The following CUBN variants were observed in gnomAD, a reference collection of about 807,000 sequenced individuals.
CUBN encodes the protein cubilin.
Under a neutral mutation model 405.3 loss-of-function variants are expected in CUBN, and 282 were observed. The observed-to-expected ratio is 0.70, with a 90% confidence interval of 0.63 to 0.77. The LOEUF is 0.77. Ranked by LOEUF, CUBN falls within the 30% of genes least tolerant of loss-of-function variation. The pLI, the probability that CUBN is intolerant of heterozygous loss-of-function variation, is 0.00. For synonymous variants in CUBN, 1,684 were observed against 1,617.0 expected (o/e 1.04, Z -0.99); for missense variants, 4,514 against 4,475.2 (o/e 1.01, Z -0.25).
At chr10:16,930,018 C>T (rs1235319422) in intron 40 of CUBN, among the ~76,000 whole-genome samples, 1 of 152,116 alleles carries the variant, frequency 6.6e-6, no homozygotes, top group Non-Finnish European at 1.5e-5. Flanking sequence ...GCCCATCCAC[C>T]CCTTCAGTCT....
intron 56 of CUBN, among the ~76,000 whole-genome samples, chr10:16,883,412 C>T (rs570563272): frequency 6.6e-6 from 1 of 152,258 alleles, no homozygotes; most frequent in South Asian, 2.1e-4. Context: ...TCAAAAGGAC[C>T]ACTGCCCACT....
At chr10:17,087,439 C>G (rs1045222754) in intron 15 of CUBN, among the ~76,000 whole-genome samples, 1 of 147,184 alleles carries the variant, frequency 6.8e-6, no homozygotes, top group South Asian at 2.2e-4. Flanking sequence ...GAACCTAACC[C>G]AGTTCAACAC....
chr10:17,041,611 G>A (rs1283254695), intron 26 of CUBN, among the ~76,000 whole-genome samples: 2 of 152,054 alleles, frequency 1.3e-5, no homozygotes, highest in Non-Finnish European at 2.9e-5. Flanking sequence ...GTTCTGTGCT[G>A]CTGTTTTTTT....
chr10:16,880,316 G>A (rs1050981016), intron 56 of CUBN, among the ~76,000 whole-genome samples: 13 of 152,288 alleles, frequency 8.5e-5, no homozygotes, highest in Admixed American at 4.6e-4. Context: ...TCAATGGCAA[G>A]GCATGGCATC....
At position 16,982,376 on chromosome 10, in the gene CUBN, A is replaced by T. The variant is rs2932895; in HGVS notation, c.4695+108T>A. 827,680 of 1,012,158 alleles carry T rather than the reference A, an allele frequency of 0.82. 348,567 individuals carry two copies. The highest frequency in any genetic ancestry group is 0.89 in the Non-Finnish European group (585,037 of 657,690). 62.7% of individuals were successfully genotyped at this position (1,012,158 alleles called of 1,614,324 possible). A position where few individuals can be genotyped will look rare whatever the true frequency, so the allele number is the denominator to read the frequency against. On this transcript the variant is annotated intron_variant, in intron 31 of 66. Coordinates refer to ENST00000377833, the MANE Select transcript of CUBN (RefSeq NM_001081.4). ...TTGCCAATAGTTTGGTTTCCTATGA[A>T]TCGACATTAAAAACACCCATAAGTA...
chr10:17,065,746 C>A (rs867401039), intron 21 of CUBN, 108 bp from the exon 22 acceptor site: 2 of 1,307,396 alleles, frequency 1.5e-6, no homozygotes, highest in Middle Eastern at 3.7e-4. Context: ...TTGTTCTCTA[C>A]CTCTCATCAA....
intron 12 of CUBN, 128 bp from the exon 13 acceptor site, chr10:17,103,365 C>G: frequency 1.4e-6 from 1 of 694,156 alleles, no homozygotes; most frequent in African/African-American, 1.8e-5. Flanking sequence ...AAAGCCCTGC[C>G]ATTCCCTCTC....
At chr10:17,029,963 G>T (rs1372394722) in intron 27 of CUBN, among the ~76,000 whole-genome samples, 2 of 152,208 alleles carry the variant, frequency 1.3e-5, no homozygotes, top group African/African-American at 4.8e-5. Flanking sequence ...ACCACAAAAT[G>T]CTATAGAGCA....
chr10:17,124,524 G>A (rs559940957), intron 4 of CUBN, among the ~76,000 whole-genome samples: 1 of 151,584 alleles, frequency 6.6e-6, no homozygotes, highest in Non-Finnish European at 1.5e-5. Context: ...TGCCTCCTGG[G>A]TCCATGCCAT....
rs1841990211 is a variant in CUBN, at chr10:16,920,060, G to A, written c.6724C>T (p.Pro2242Ser). The A allele has an allele frequency of 1.2e-6, 2 of 1,614,046 alleles. 1 individual carries two copies. Among genetic ancestry groups the A allele is most frequent in the Non-Finnish European group, 1.7e-6 (2 of 1,179,978 alleles). ...ATCCAAATGCAATCAGCGTGCGGGG[G>A]ATAATTATGAGGGTGGTTGGGGGAG... ...VTSPNHPHNY[P>S]PHADCIWILA... The change falls in exon 44 of 67, where the codon CCC (proline) becomes TCC (serine). Residue 2242 changes from proline to serine, a missense_variant. Coordinates refer to ENST00000377833, the MANE Select transcript of CUBN (RefSeq NM_001081.4).
At chr10:17,034,104 A>G (rs900136696) in intron 27 of CUBN, among the ~76,000 whole-genome samples, 1 of 152,224 alleles carries the variant, frequency 6.6e-6, no homozygotes, top group South Asian at 2.1e-4. Flanking sequence ...AATGCATGTT[A>G]TAAAGACTGG....
At chr10:16,857,938 G>A (rs1839907662) in intron 59 of CUBN, among the ~76,000 whole-genome samples, 1 of 151,992 alleles carries the variant, frequency 6.6e-6, no homozygotes, top group South Asian at 2.1e-4. Context: ...AACATTCTTA[G>A]AACTAACATA....
chr10:17,026,984 C>A (rs76464408), intron 27 of CUBN, among the ~76,000 whole-genome samples: 1 of 152,172 alleles, frequency 6.6e-6, no homozygotes, highest in Non-Finnish European at 1.5e-5. Context: ...GAGCAAAAAA[C>A]CCATCGAAAT....
intron 8 of CUBN, 115 bp from the exon 9 acceptor site, chr10:17,111,165 TGA>T (rs1836763973): frequency 5.0e-6 from 6 of 1,204,406 alleles, no homozygotes; most frequent in Non-Finnish European, 7.2e-6. Context: ...AAAATAAAAA[TGA>T]GATATGCTTA....
intron 31 of CUBN, among the ~76,000 whole-genome samples, chr10:16,973,521 A>G (rs1028875798): frequency 9.2e-5 from 14 of 152,206 alleles, no homozygotes; most frequent in African/African-American, 3.4e-4. Flanking sequence ...TCAAGGGTCC[A>G]TGTGCAGGTT....
intron 59 of CUBN, among the ~76,000 whole-genome samples, chr10:16,864,366 C>T (rs1316037926): frequency 6.6e-6 from 1 of 152,120 alleles, no homozygotes; most frequent in Non-Finnish European, 1.5e-5. Context: ...CCCTCAGCCA[C>T]CCTCCAACCT....
rs142041107 is a variant in CUBN, at chr10:17,030,673, C to T, written c.4017+10360G>A. Among the ~76,000 whole-genome samples the T allele has an allele frequency of 5.6e-3, 850 of 152,234 alleles. 11 individuals carry two copies. The highest frequency in any genetic ancestry group is 0.02 in the African/African-American group (820 of 41,526). ...GTGGCTCATGCCTGTAATCCCTGCA[C>T]TTTGGGAAGCCGAGGTGTGTGGATC... On this transcript the variant is annotated intron_variant, in intron 27 of 66. Coordinates refer to ENST00000377833, the MANE Select transcript of CUBN (RefSeq NM_001081.4).
chr10:16,824,066 T>C lies in CUBN; in HGVS notation c.*909A>G, dbSNP rs1410597699. 1 of 152,238 alleles carries C rather than the reference T, an allele frequency of 6.6e-6. No individual in the cohort carries two copies. The highest frequency in any genetic ancestry group is 2.4e-5 in the African/African-American group (1 of 41,454). 9.4% of individuals were successfully genotyped at this position (152,238 alleles called of 1,614,324 possible). ...ACTTTTGTTGTTCTTGTTGTCATTT[T>C]TGAGATAGGGTCTCAGTCTGTCACC... On this transcript the variant is annotated 3_prime_UTR_variant, in exon 67 of 67. Coordinates refer to ENST00000377833, the MANE Select transcript of CUBN (RefSeq NM_001081.4).
intron 13 of CUBN, 72 bp from the exon 14 acceptor site, chr10:17,100,311 A>G: frequency 9.6e-7 from 1 of 1,039,878 alleles, no homozygotes. Flanking sequence ...CCCACTTCCT[A>G]GGCAGCATTC....
Sources: gnomAD v4.1 joint callset for allele counts (sites outside exome capture counted in the v4.1 genomes callset) on GRCh38, gnomAD v4.1.1 for gene constraint, MANE v1.5 for transcripts, NCBI Gene and HGNC (gene_info 2026-07-23, HGNC 2026-07-21) for gene names.